Variants in ADAM23 observed in about 807,000 individuals in gnomAD.
The protein encoded by ADAM23 is disintegrin and metalloproteinase domain-containing protein 23.
A neutral mutation model predicts 120.1 loss-of-function variants in ADAM23; 33 were observed. The ratio of observed to expected loss-of-function variants is 0.27; its 90% CI spans 0.21 to 0.37. The LOEUF is 0.37. Among genes scored for constraint, ADAM23 ranks in the 10% least tolerant of loss-of-function variants. The probability of loss-of-function intolerance (pLI) is 1.00; values close to 1 mark genes in which losing one functional copy is unlikely to be tolerated. For missense variants in ADAM23, 862 were observed against 1,058.2 expected (o/e 0.81, Z 2.57); for synonymous variants, 367 against 375.2 (o/e 0.98, Z 0.25).
At chr2:206,476,519 C>T (rs780948007) in intron 2 of ADAM23, among the ~76,000 whole-genome samples, 11 of 152,124 alleles carry the variant, frequency 7.2e-5, no homozygotes, top group Non-Finnish European at 1.5e-4. Context: ...AGCATGACCC[C>T]TATTGTGAAC....
rs1161271627 is a variant in ADAM23 at position 206,577,731 on chromosome 2, A to G, written c.1737+4536A>G. Among the ~76,000 whole-genome samples the G allele has an allele frequency of 1.0e-4, 15 of 150,558 alleles. No homozygotes were observed. In the South Asian group the frequency reaches 1.9e-3, roughly 19 times the overall value. ...AGTGCCACAATAAACATACGTGTGC[A>G]TGTGTCTTTATAGCAGCATGATTTA... is the stretch of plus-strand genomic sequence containing the variant. On this transcript the variant is annotated intron_variant, in intron 18 of 25. Coordinates refer to ENST00000264377, the MANE Select transcript of ADAM23 (RefSeq NM_003812.4).
At chr2:206,504,332 C>CATATT (rs1257860389) in intron 3 of ADAM23, among the ~76,000 whole-genome samples, 21 of 152,204 alleles carry the variant, frequency 1.4e-4, no homozygotes, top group Middle Eastern at 3.4e-3. Context: ...CATATTTGCC[C>CATATT]TGAGTGAACC....
intron 15 of ADAM23, among the ~76,000 whole-genome samples, chr2:206,569,374 A>T (rs938720524): frequency 2.0e-5 from 3 of 152,262 alleles, no homozygotes; most frequent in Non-Finnish European, 4.4e-5. Context: ...ACTACGTAGT[A>T]CAATGGTTAA....
intron 4 of ADAM23, among the ~76,000 whole-genome samples, chr2:206,539,139 G>C (rs572576421): frequency 6.6e-6 from 1 of 152,224 alleles, no homozygotes. Flanking sequence ...ATTTGAGCAT[G>C]ATATGGCTTG....
intron 4 of ADAM23, among the ~76,000 whole-genome samples, chr2:206,539,136 C>T (rs1164997593): frequency 6.6e-6 from 1 of 152,176 alleles, no homozygotes. Flanking sequence ...ATTATTTGAG[C>T]ATGATATGGC....
chr2:206,570,784 G>C lies in ADAM23; in HGVS notation c.1539G>C (p.Gly513=), dbSNP rs1453146765. 9 of 1,613,950 alleles carry C rather than the reference G, an allele frequency of 5.6e-6. No homozygotes were observed. Among genetic ancestry groups the C allele is most frequent in the Non-Finnish European group, 7.6e-6 (9 of 1,179,844 alleles). ...TECGNGYVEA[G]EECDCGFHVE... The stretch of plus-strand genomic sequence containing the variant: ...GTGGAAATGGATACGTGGAAGCTGG[G>C]GAGGAGTGTGATTGTGGTTTTCATG... Residue 513 remains glycine, a synonymous_variant, in exon 16 of 26, where the codon GGG becomes GGC. Transcript: ENST00000264377.
chr2:206,581,920 C>T (rs1000411096), intron 18 of ADAM23, among the ~76,000 whole-genome samples: 2 of 152,170 alleles, frequency 1.3e-5, no homozygotes, highest in Admixed American at 6.5e-5. Flanking sequence ...TCTTGTTGCC[C>T]AGGCTGGAGT....
chr2:206,489,291 C>T lies in ADAM23; in HGVS notation c.509+7983C>T, dbSNP rs537759851. ...GTGTCATTGCTGGCCTTTTTCTCTCCAACTAGCAGCCCATCATGCTCACTG... is the reference window on the plus strand; with the variant it reads ...GTGTCATTGCTGGCCTTTTTCTCTCTAACTAGCAGCCCATCATGCTCACTG... On this transcript the variant is annotated intron_variant, in intron 3 of 25. Coordinates refer to ENST00000264377, the MANE Select transcript of ADAM23 (RefSeq NM_003812.4). Among the ~76,000 whole-genome samples, 8 of 152,252 alleles carry T rather than the reference C, an allele frequency of 5.3e-5. 1 individual carries two copies. Among genetic ancestry groups the T allele is most frequent in the African/African-American group, 1.7e-4 (7 of 41,538 alleles).
chr2:206,599,529 A>G (rs1251982613), intron 24 of ADAM23, among the ~76,000 whole-genome samples: 1 of 152,216 alleles, frequency 6.6e-6, no homozygotes, highest in African/African-American at 2.4e-5. Flanking sequence ...TACTGGTAAA[A>G]CAGAAACTAA....
At chr2:206,610,835 T>C (rs1400517898) in intron 25 of ADAM23, among the ~76,000 whole-genome samples, 1 of 152,212 alleles carries the variant, frequency 6.6e-6, no homozygotes, top group Non-Finnish European at 1.5e-5. Context: ...AGTGAGTTGA[T>C]GATTATGATT....
At chr2:206,450,627 A>G (rs1695173740) in intron 2 of ADAM23, among the ~76,000 whole-genome samples, 1 of 152,214 alleles carries the variant, frequency 6.6e-6, no homozygotes, top group Non-Finnish European at 1.5e-5. Context: ...CACACTAACT[A>G]TATGCTTACA....
At chr2:206,490,229 C>T (rs1201745984) in intron 3 of ADAM23, among the ~76,000 whole-genome samples, 3 of 152,186 alleles carry the variant, frequency 2.0e-5, no homozygotes, top group Non-Finnish European at 4.4e-5. Context: ...AAAACCAGCC[C>T]TGCTGACACC....
intron 18 of ADAM23, among the ~76,000 whole-genome samples, chr2:206,581,374 C>G (rs780520156): frequency 6.6e-5 from 10 of 152,162 alleles, no homozygotes; most frequent in Non-Finnish European, 1.2e-4. Flanking sequence ...TATGAACTTT[C>G]CTGTTAGCAC....
intron 3 of ADAM23, among the ~76,000 whole-genome samples, chr2:206,490,053 A>G (rs1696099132): frequency 6.6e-6 from 1 of 152,212 alleles, no homozygotes. Context: ...TAAAAAGGTA[A>G]TTAAGTTAAA....
At chr2:206,445,094 C>T (rs1471557961) in intron 1 of ADAM23, among the ~76,000 whole-genome samples, 1 of 150,898 alleles carries the variant, frequency 6.6e-6, no homozygotes, top group Admixed American at 6.6e-5. Flanking sequence ...TTGTATAAGC[C>T]TTATTGGCTA....
chr2:206,505,384 G>T lies in ADAM23; in HGVS notation c.509+24076G>T, dbSNP rs77757473. ...GGGGAGATAGTTACTATTTGTATTA[G>T]TTTGTTCTCACATGGCTATAAAGAA... On this transcript the variant is annotated intron_variant, in intron 3 of 25. Coordinates refer to ENST00000264377, the MANE Select transcript of ADAM23 (RefSeq NM_003812.4). Among the ~76,000 whole-genome samples, 653 of 152,236 alleles carry T rather than the reference G, an allele frequency of 4.3e-3. 5 individuals carry two copies. The highest frequency in any genetic ancestry group is 0.015 in the African/African-American group (622 of 41,540).
intron 11 of ADAM23, among the ~76,000 whole-genome samples, chr2:206,560,401 G>A (rs762341987): frequency 1.3e-5 from 2 of 151,844 alleles, no homozygotes; most frequent in South Asian, 2.1e-4. Flanking sequence ...TACTGGCAGC[G>A]GGCATGACAT....
intron 2 of ADAM23, among the ~76,000 whole-genome samples, chr2:206,466,827 G>A (rs540926391): frequency 2.0e-4 from 30 of 152,324 alleles, no homozygotes; most frequent in African/African-American, 6.7e-4. Flanking sequence ...GGATGGCTCT[G>A]CAGGCTATAC....
chr2:206,513,277 C>A (rs1280518533), intron 3 of ADAM23, among the ~76,000 whole-genome samples: 8 of 152,096 alleles, frequency 5.3e-5, no homozygotes, highest in Admixed American at 5.2e-4. Context: ...GTTGTGAATG[C>A]AAAGGAAAAG....
Sources: gnomAD v4.1 joint callset for allele counts (sites outside exome capture counted in the v4.1 genomes callset) on GRCh38, gnomAD v4.1.1 for gene constraint, MANE v1.5 for transcripts, NCBI Gene and HGNC (gene_info 2026-07-23, HGNC 2026-07-21) for gene names.